Variants in SCRG1 observed in about 807,000 individuals in gnomAD.
SCRG1 encodes scrapie-responsive protein 1.
In SCRG1, 3 loss-of-function variants were observed where a neutral mutation model predicts 7.7. The ratio of observed to expected loss-of-function variants is 0.39; its 90% confidence interval spans 0.18 to 1.01. SCRG1 has a LOEUF of 1.01. Among genes scored for constraint, SCRG1 ranks in the 50% least tolerant of loss-of-function variants. The pLI, the probability that SCRG1 is intolerant of heterozygous loss-of-function variation, is 0.36. For synonymous variants in SCRG1, 46 were observed against 41.2 expected (o/e 1.12, Z -0.44); for missense variants, 110 against 117.2 (o/e 0.94, Z 0.28).
chr4:173,486,400 C>G, the SCRG1 span, among the ~76,000 whole-genome samples: 3 of 152,164 alleles, frequency 2.0e-5, no homozygotes, highest in African/African-American at 7.2e-5. Context: ...GCCATCACAG[C>G]TGGCCATGTA....
At chr4:173,484,114 T>TAATATATAATATAC in the SCRG1 span, among the ~76,000 whole-genome samples, 1 of 78,284 alleles carries the variant, frequency 1.3e-5, no homozygotes, top group Non-Finnish European at 2.2e-5. Flanking sequence ...ATATAATATA[T>TAATATATAATATAC]AATATACAAT....
the SCRG1 span, among the ~76,000 whole-genome samples, chr4:173,514,107 C>A: frequency 6.6e-6 from 1 of 152,116 alleles, no homozygotes; most frequent in Admixed American, 6.5e-5. Context: ...CTCAATGGGT[C>A]ATAAGTTGAA....
At chr4:173,514,430 G>A in the SCRG1 span, among the ~76,000 whole-genome samples, 5 of 152,320 alleles carry the variant, frequency 3.3e-5, 1 homozygote, top group South Asian at 1.0e-3. Flanking sequence ...GCCTCTCAGA[G>A]CACTCCCCTT....
At chr4:173,397,464 T>A (rs1020540915) in intron 1 of SCRG1, among the ~76,000 whole-genome samples, 8 of 152,226 alleles carry the variant, frequency 5.3e-5, no homozygotes, top group African/African-American at 7.2e-5. Flanking sequence ...TCCATTTTTT[T>A]AATTCGATTT....
At chr4:173,510,574 C>T in the SCRG1 span, among the ~76,000 whole-genome samples, 2 of 152,146 alleles carry the variant, frequency 1.3e-5, no homozygotes, top group South Asian at 4.1e-4. The surrounding 1 kb of genome is among the most constrained non-coding windows in gnomAD (Gnocchi z 5.7). Context: ...CCAGAAGCCC[C>T]GTTTCGAGCT....
chr4:173,494,102 G>A, the SCRG1 span, among the ~76,000 whole-genome samples: 1 of 152,010 alleles, frequency 6.6e-6, no homozygotes, highest in African/African-American at 2.4e-5. Context: ...TTATAAGTAC[G>A]CATATACTTG....
At chr4:173,485,138 TAC>T in the SCRG1 span, among the ~76,000 whole-genome samples, 6 of 43,620 alleles carry the variant, frequency 1.4e-4, no homozygotes, top group African/African-American at 3.7e-4. Flanking sequence ...TCATATATAT[TAC>T]ATATAATGTA....
chr4:173,515,660 G>A, the SCRG1 span, among the ~76,000 whole-genome samples: 1 of 152,088 alleles, frequency 6.6e-6, no homozygotes, highest in Non-Finnish European at 1.5e-5. The surrounding 1 kb of genome is among the most constrained non-coding windows in gnomAD (Gnocchi z 4.6). Context: ...CGGGGAGGTG[G>A]TGGGGCTGTG....
upstream of SCRG1, among the ~76,000 whole-genome samples, chr4:173,408,886 C>G (rs548302302): frequency 4.0e-5 from 6 of 149,232 alleles, no homozygotes; most frequent in Non-Finnish European, 7.4e-5. Context: ...CCAGCTACTC[C>G]GGAGGCTGAG....
At chr4:173,511,665 G>A in the SCRG1 span, among the ~76,000 whole-genome samples, 1 of 152,030 alleles carries the variant, frequency 6.6e-6, no homozygotes, top group Non-Finnish European at 1.5e-5. This position sits in a 1 kb window ranked among gnomAD's most constrained non-coding sequence, Gnocchi z 5.2. Context: ...AGAGGTTAAA[G>A]CAGATGAACC....
chr4:173,413,771 T>C, the SCRG1 span, among the ~76,000 whole-genome samples: 1 of 152,160 alleles, frequency 6.6e-6, no homozygotes, highest in South Asian at 2.1e-4. Flanking sequence ...CAGTGAGAAT[T>C]TGTTGTGATT....
upstream of SCRG1, among the ~76,000 whole-genome samples, chr4:173,402,309 G>T (rs925034767): frequency 2.0e-5 from 3 of 152,164 alleles, no homozygotes; most frequent in Non-Finnish European, 4.4e-5. Context: ...CTTAGGTGCA[G>T]TCAGGTTTGT....
At chr4:173,430,347 AAAG>A in the SCRG1 span, among the ~76,000 whole-genome samples, 1 of 152,152 alleles carries the variant, frequency 6.6e-6, no homozygotes, top group African/African-American at 2.4e-5. Flanking sequence ...AATAATGTAA[AAAG>A]CATTCTCAGG....
the SCRG1 span, among the ~76,000 whole-genome samples, chr4:173,444,408 A>G: frequency 6.6e-6 from 1 of 152,210 alleles, no homozygotes; most frequent in Non-Finnish European, 1.5e-5. Context: ...CATAGTGCAT[A>G]TTTAGGCTTT....
chr4:173,459,895 G>A, the SCRG1 span, among the ~76,000 whole-genome samples: 1 of 113,158 alleles, frequency 8.8e-6, no homozygotes, highest in East Asian at 3.1e-4. Context: ...GATTTGAAAC[G>A]TTTCCAACAC....
At chr4:173,427,275 G>A in the SCRG1 span, among the ~76,000 whole-genome samples, 1 of 152,196 alleles carries the variant, frequency 6.6e-6, no homozygotes, top group African/African-American at 2.4e-5. Flanking sequence ...CAGTTTGTGT[G>A]TGGTATGTTT....
At chr4:173,516,969 G>T in the SCRG1 span, among the ~76,000 whole-genome samples, 1 of 152,238 alleles carries the variant, frequency 6.6e-6, no homozygotes, top group African/African-American at 2.4e-5. Context: ...AAAGTGGAGA[G>T]AAATTTTGTG....
chr4:173,467,018 C>T, the SCRG1 span, among the ~76,000 whole-genome samples: 1 of 152,006 alleles, frequency 6.6e-6, no homozygotes, highest in Non-Finnish European at 1.5e-5. Flanking sequence ...TCCTCCTCTT[C>T]CAAATTTGGA....
the SCRG1 span, among the ~76,000 whole-genome samples, chr4:173,485,918 C>T: frequency 1.6e-4 from 24 of 152,042 alleles, no homozygotes; most frequent in Non-Finnish European, 2.8e-4. Flanking sequence ...TGCAGTGAGC[C>T]GAGATTGTGC....
Sources: allele counts gnomAD v4.1 joint callset (sites outside exome capture counted in the v4.1 genomes callset), GRCh38; gene constraint gnomAD v4.1.1; non-coding constraint Gnocchi (gnomAD v3.1); transcripts MANE v1.5; gene names NCBI Gene and HGNC (gene_info 2026-07-23, HGNC 2026-07-21).